Variants in TMEFF1 observed in about 807,000 individuals in gnomAD.
The protein encoded by TMEFF1 is tomoregulin-1.
A neutral mutation model predicts 47.5 loss-of-function variants in TMEFF1; 20 were observed. The observed-to-expected ratio is 0.42, with a 90% CI of 0.30 to 0.61. The LOEUF (loss-of-function observed/expected upper bound fraction) is 0.61. TMEFF1 is among the 20% of genes least tolerant of loss of function. The pLI is 0.19. For missense variants in TMEFF1, 411 were observed against 471.1 expected, an observed-to-expected ratio of 0.87 and a Z score of 1.18; for synonymous variants, 162 against 166.3, an observed-to-expected ratio of 0.97 and a Z score of 0.20.
intron 3 of TMEFF1, among the ~76,000 whole-genome samples, chr9:100,510,594 T>G (rs1198603883): frequency 6.6e-6 from 1 of 152,146 alleles, no homozygotes; most frequent in Non-Finnish European, 1.5e-5. Context: ...CTCCGTCTCC[T>G]GAGTAGCTGG....
chr9:100,560,194 G>A (rs551510998), intron 7 of TMEFF1, among the ~76,000 whole-genome samples: 2 of 152,104 alleles, frequency 1.3e-5, no homozygotes, highest in East Asian at 1.9e-4. Flanking sequence ...GTTACATGAT[G>A]TGCTATATAA....
chr9:100,520,156 T>G, intron 5 of TMEFF1, among the ~76,000 whole-genome samples: 1 of 152,296 alleles, frequency 6.6e-6, no homozygotes, highest in Admixed American at 6.5e-5. Flanking sequence ...ATTTAAAATT[T>G]TATTGTATGC....
At chr9:100,518,076 A>G (rs1487588982) in intron 5 of TMEFF1, among the ~76,000 whole-genome samples, 1 of 151,906 alleles carries the variant, frequency 6.6e-6, no homozygotes, top group Non-Finnish European at 1.5e-5. Flanking sequence ...ACATTTTTCT[A>G]TTATCATTTT....
rs373957785 is a variant in TMEFF1 at position 100,524,994 on chromosome 9, G to A, written c.560+8223G>A. 2.6e-5 allele frequency among the ~76,000 whole-genome samples: 4 copies of A among 152,124 alleles called. No individual in the cohort carries two copies. In the East Asian group the frequency reaches 7.7e-4, roughly 29 times the overall value. ...AAGAATCTGGGCCAGGCTTACCTGG[G>A]CAGTCTATCTTCTGACTGAAAGTTG... is the stretch of plus-strand genomic sequence containing the variant. On this transcript the variant is annotated intron_variant, in intron 5 of 9. Coordinates refer to ENST00000374879, the MANE Select transcript of TMEFF1 (RefSeq NM_003692.5).
chr9:100,477,620 C>CTTTTTTT lies in TMEFF1; in HGVS notation c.196+3897_196+3903dup, dbSNP rs869245620. ...ATGTTTTTCTGGATCTGCATTCCGCCTTTTTTTTTTTTTTTTTTTTTTTGA... is the reference window on the plus strand; with the variant it reads ...ATGTTTTTCTGGATCTGCATTCCGCCTTTTTTTTTTTTTTTTTTTTTTTTTTTTTTGA... On this transcript the variant is annotated intron_variant, in intron 1 of 9. Transcript: ENST00000374879. 4.7e-5 allele frequency among the ~76,000 whole-genome samples: 5 copies of CTTTTTTT among 106,756 alleles called. 1 individual carries two copies. The highest frequency in any genetic ancestry group is 1.0e-4 in the Admixed American group (1 of 9,784). The allele number at this position is 106,756 out of a possible 152,430, so 70.0% of individuals were successfully genotyped here.
At chr9:100,558,533 C>T (rs576973704) in intron 7 of TMEFF1, among the ~76,000 whole-genome samples, 1 of 151,178 alleles carries the variant, frequency 6.6e-6, no homozygotes, top group Admixed American at 6.6e-5. Flanking sequence ...GGAAAGTCTT[C>T]TGCTTGGATC....
At chr9:100,531,904 T>C (rs1490300692) in intron 5 of TMEFF1, among the ~76,000 whole-genome samples, 3 of 150,506 alleles carry the variant, frequency 2.0e-5, no homozygotes, top group East Asian at 3.9e-4. Flanking sequence ...TATAGATCAA[T>C]GGAACAGAAC....
intron 3 of TMEFF1, among the ~76,000 whole-genome samples, chr9:100,512,258 T>A (rs533648347): frequency 1.3e-5 from 2 of 152,222 alleles, no homozygotes; most frequent in Non-Finnish European, 2.9e-5. Context: ...GGTTGATTAA[T>A]CAAAATTGAA....
chr9:100,534,056 T>G (rs187667522), intron 5 of TMEFF1, among the ~76,000 whole-genome samples: 75 of 152,246 alleles, frequency 4.9e-4, no homozygotes, highest in African/African-American at 1.7e-3. Context: ...AGGTGAGGGA[T>G]GGAACCAGGA....
intron 5 of TMEFF1, among the ~76,000 whole-genome samples, chr9:100,543,821 G>A (rs1340046132): frequency 6.6e-6 from 1 of 151,790 alleles, no homozygotes; most frequent in African/African-American, 2.4e-5. Flanking sequence ...GCTGTGGGTT[G>A]GACAAGCTTG....
At chr9:100,531,432 A>T (rs1216721584) in intron 5 of TMEFF1, among the ~76,000 whole-genome samples, 1 of 152,200 alleles carries the variant, frequency 6.6e-6, no homozygotes, top group Non-Finnish European at 1.5e-5. Context: ...AAGCATTCTT[A>T]TACACCAACA....
At chr9:100,562,644 GTTT>G (rs1839040395) in intron 8 of TMEFF1, among the ~76,000 whole-genome samples, 6 of 141,190 alleles carry the variant, frequency 4.2e-5, no homozygotes, top group African/African-American at 1.6e-4. Context: ...GTTTTGTTTT[GTTT>G]TGTTTTGTTT....
At chr9:100,557,931 C>G (rs988904582) in intron 7 of TMEFF1, among the ~76,000 whole-genome samples, 1 of 151,300 alleles carries the variant, frequency 6.6e-6, no homozygotes, top group Admixed American at 6.6e-5. Flanking sequence ...TGGCATTGAG[C>G]GGAATATTAG....
chr9:100,531,649 A>G, intron 5 of TMEFF1, among the ~76,000 whole-genome samples: 1 of 152,084 alleles, frequency 6.6e-6, no homozygotes, highest in Admixed American at 6.5e-5. Flanking sequence ...TATCGTGAAA[A>G]TGGCCATACT....
intron 2 of TMEFF1, among the ~76,000 whole-genome samples, chr9:100,504,544 T>C (rs1164507546): frequency 6.6e-6 from 1 of 152,226 alleles, no homozygotes; most frequent in African/African-American, 2.4e-5. Context: ...ATACTAGCAA[T>C]AGCAAAATAG....
At position 100,498,843 on chromosome 9, in the gene TMEFF1, G is replaced by C. The variant is rs200189778; in HGVS notation, c.275G>C (p.Gly92Ala). The change falls in exon 2 of 10, where the codon GGA becomes GCA. Residue 92 changes from glycine to alanine, a missense_variant. By Grantham distance (60) the Gly-to-Ala change is moderately conservative. Coordinates refer to ENST00000374879, the MANE Select transcript of TMEFF1 (RefSeq NM_003692.5). ...TATGGAGGAGTCTGTAAAGAAGATG[G>C]AGATGGTTTGAAATGTGCATGCCAA... Reference protein sequence around the residue: ...CKYGGVCKEDGDGLKCACQFQ... With the variant: ...CKYGGVCKEDADGLKCACQFQ... The C allele has an allele frequency of 1.8e-4, 293 of 1,613,782 alleles. No homozygotes were observed. The highest frequency in any genetic ancestry group is 2.1e-4 in the Non-Finnish European group (244 of 1,179,894).
intron 1 of TMEFF1, among the ~76,000 whole-genome samples, chr9:100,490,205 G>T (rs995644016): frequency 6.6e-6 from 1 of 152,128 alleles, no homozygotes; most frequent in Non-Finnish European, 1.5e-5. Flanking sequence ...AGCCATCTCT[G>T]CAGTTGATGC....
intron 1 of TMEFF1, among the ~76,000 whole-genome samples, chr9:100,493,085 C>T (rs2118293967): frequency 6.6e-6 from 1 of 151,992 alleles, no homozygotes; most frequent in African/African-American, 2.4e-5. Context: ...CCCCCCTCTC[C>T]CCCCCACAGG....
At chr9:100,507,161 G>C (rs1837878785) in intron 2 of TMEFF1, among the ~76,000 whole-genome samples, 1 of 152,142 alleles carries the variant, frequency 6.6e-6, no homozygotes, top group African/African-American at 2.4e-5. Flanking sequence ...GCCTCCAGCT[G>C]CATCCATGTT....
Sources: gnomAD v4.1 joint callset for allele counts (sites outside exome capture counted in the v4.1 genomes callset) on GRCh38, gnomAD v4.1.1 for gene constraint, MANE v1.5 for transcripts, NCBI Gene and HGNC (gene_info 2026-07-23, HGNC 2026-07-21) for gene names.